MOB1B: variants seen among roughly 807,000 people sequenced by gnomAD.
MOB1B encodes the protein MOB kinase activator 1B.
MOB1B carries 19 observed loss-of-function variants against 24.4 expected under a neutral mutation model. The ratio of observed to expected loss-of-function variants is 0.78; its 90% CI spans 0.54 to 1.14. MOB1B has a LOEUF of 1.14. Ranked by LOEUF, MOB1B falls within the 50% of genes most tolerant of loss-of-function variation. The probability of loss-of-function intolerance (pLI) is 0.00; values close to 1 mark genes in which losing one functional copy is unlikely to be tolerated. For missense variants in MOB1B, 243 were observed against 259.6 expected (o/e 0.94, Z 0.44); for synonymous variants, 76 against 82.1 (o/e 0.93, Z 0.40).
chr4:70,916,756 A>G (rs1161686002), intron 1 of MOB1B, among the ~76,000 whole-genome samples: 1 of 152,006 alleles, frequency 6.6e-6, no homozygotes. Flanking sequence ...TTTAGTAGAG[A>G]CGGGGTTTCA....
chr4:70,983,649 ACACT>A lies in MOB1B; in HGVS notation c.*1595_*1598del, dbSNP rs1222458437. On this transcript the variant is annotated 3_prime_UTR_variant, in exon 6 of 6. Coordinates refer to ENST00000309395, the MANE Select transcript of MOB1B (RefSeq NM_173468.4). ...TGCTCTGAAATAGTATAGATTAAAA[ACACT>A]CAGTAGAAAAGAATCTAAAATTAAA... is the stretch of plus-strand genomic sequence containing the variant. 1.3e-5 allele frequency: 2 copies of A among 152,580 alleles called. No homozygotes were observed. The highest frequency in any genetic ancestry group is 2.9e-5 in the Non-Finnish European group (2 of 67,996). The allele number at this position is 152,580 out of a possible 1,614,324, so 9.5% of individuals were successfully genotyped here. A position where few individuals can be genotyped will look rare whatever the true frequency, so the allele number is the denominator to read the frequency against.
At chr4:70,921,123 C>G (rs1736419961) in intron 1 of MOB1B, among the ~76,000 whole-genome samples, 1 of 152,158 alleles carries the variant, frequency 6.6e-6, no homozygotes, top group Non-Finnish European at 1.5e-5. Flanking sequence ...CAAAAACAAA[C>G]AGGAAACCAA....
chr4:70,912,176 C>T lies in MOB1B; in HGVS notation c.14+9626C>T, dbSNP rs190150893. ...CCTCCCAAAGTGCTGGGATTACAGG[C>T]GTGAGCCACCGTGCCCAGCCTTAGG... On this transcript the variant is annotated intron_variant, in intron 1 of 5. Coordinates refer to ENST00000309395, the MANE Select transcript of MOB1B (RefSeq NM_173468.4). 4.7e-3 allele frequency among the ~76,000 whole-genome samples: 713 copies of T among 151,974 alleles called. 10 individuals are homozygous for T. The highest frequency in any genetic ancestry group is 0.016 in the African/African-American group (678 of 41,434).
At chr4:70,965,296 CAAAAAA>C (rs1175536577) in intron 2 of MOB1B, among the ~76,000 whole-genome samples, 3 of 36,220 alleles carry the variant, frequency 8.3e-5, no homozygotes, top group Non-Finnish European at 1.8e-4. Context: ...GACTTCATCT[CAAAAAA>C]AAAAAAAAAA....
chr4:70,986,236 A>G lies in MOB1B; in HGVS notation c.*4179A>G, dbSNP rs979145401. On this transcript the variant is annotated 3_prime_UTR_variant, in exon 6 of 6. Transcript: ENST00000309395. The stretch of plus-strand genomic sequence containing the variant: ...AAGTGGATCCAATATTTAAGATAGA[A>G]GTAGTTTAAGGAGACAACAGCCTTT... 1 of 152,190 alleles carries G rather than the reference A, an allele frequency of 6.6e-6. No individual in the cohort carries two copies. Among genetic ancestry groups the G allele is most frequent in the African/African-American group, 2.4e-5 (1 of 41,458 alleles). 9.4% of individuals were successfully genotyped at this position (152,190 alleles called of 1,614,324 possible). A position where few individuals can be genotyped will look rare whatever the true frequency, so the allele number is the denominator to read the frequency against.
chr4:70,964,578 A>AC (rs1234097819), intron 2 of MOB1B, among the ~76,000 whole-genome samples: 1 of 152,224 alleles, frequency 6.6e-6, no homozygotes, highest in East Asian at 1.9e-4. Flanking sequence ...AAGTTAATGA[A>AC]CTAAGCATCC....
At chr4:70,971,553 T>G (rs1436404494) in intron 3 of MOB1B, among the ~76,000 whole-genome samples, 2 of 151,992 alleles carry the variant, frequency 1.3e-5, no homozygotes, top group Non-Finnish European at 2.9e-5. Context: ...TCTCCTAGTT[T>G]TATCATCAAA....
chr4:70,952,957 T>A (rs7665171), intron 1 of MOB1B, among the ~76,000 whole-genome samples: 1 of 144,050 alleles, frequency 6.9e-6, no homozygotes, highest in African/African-American at 2.7e-5. Context: ...TTTTTTTTTT[T>A]TTTGAGTTGG....
chr4:70,942,521 T>C (rs1339498561), intron 1 of MOB1B, among the ~76,000 whole-genome samples: 3 of 152,168 alleles, frequency 2.0e-5, no homozygotes, highest in Non-Finnish European at 4.4e-5. Flanking sequence ...ATTTTATAAA[T>C]ATGATTAAAG....
In MOB1B at chr4:70,985,430, G is replaced by C. The variant is rs1739347221; in HGVS notation, c.*3373G>C. On this transcript the variant is annotated 3_prime_UTR_variant, in exon 6 of 6. Transcript: ENST00000309395. ...GTTCTAGAGCATACCATGAAAAGCA[G>C]TTTGTTATTATGCAGGAAAATCAGT... 6.6e-6 allele frequency: 1 copy of C among 152,120 alleles called. No individual in the cohort carries two copies. Among genetic ancestry groups the C allele is most frequent in the Non-Finnish European group, 1.5e-5 (1 of 68,016 alleles). 9.4% of individuals were successfully genotyped at this position (152,120 alleles called of 1,614,324 possible). A position where few individuals can be genotyped will look rare whatever the true frequency, so the allele number is the denominator to read the frequency against.
At position 70,976,562 on chromosome 4, in the gene MOB1B, G is replaced by A. The variant is rs550406983; in HGVS notation, c.409+1276G>A. The A allele has an allele frequency of 1.0e-3, 1,026 of 984,970 alleles. 1 individual carries two copies. Among genetic ancestry groups the A allele is most frequent in the Non-Finnish European group, 1.2e-3 (985 of 829,798 alleles). 61.0% of individuals were successfully genotyped at this position (984,970 alleles called of 1,614,324 possible). A position where few individuals can be genotyped will look rare whatever the true frequency, so the allele number is the denominator to read the frequency against. The stretch of plus-strand genomic sequence containing the variant: ...TTGCCTTCTCAAACTTCTGACAACT[G>A]ATTGTCTCAAAAAGCTAAGAATCTG... On this transcript the variant is annotated intron_variant, in intron 4 of 5. Transcript: ENST00000309395.
chr4:70,926,749 G>A (rs1055018078), intron 1 of MOB1B, among the ~76,000 whole-genome samples: 2 of 152,172 alleles, frequency 1.3e-5, no homozygotes, highest in Non-Finnish European at 2.9e-5. Flanking sequence ...GCTCACGCCT[G>A]TAATCCCAGC....
At chr4:70,952,548 C>CA in intron 1 of MOB1B, among the ~76,000 whole-genome samples, 1 of 147,150 alleles carries the variant, frequency 6.8e-6, no homozygotes, top group East Asian at 2.0e-4. Flanking sequence ...GAGGCTGAGG[C>CA]AGGAGAATGG....
chr4:70,904,485 T>G (rs1296843847), intron 1 of MOB1B, among the ~76,000 whole-genome samples: 1 of 151,770 alleles, frequency 6.6e-6, no homozygotes, highest in East Asian at 1.9e-4. Context: ...GCAAGGCCAG[T>G]CGCGGTGGCT....
chr4:70,912,346 C>A (rs1337051369), intron 1 of MOB1B, among the ~76,000 whole-genome samples: 1 of 150,682 alleles, frequency 6.6e-6, no homozygotes, highest in Non-Finnish European at 1.5e-5. Flanking sequence ...GTGGTGCGAT[C>A]TCTGCTCACT....
At chr4:70,937,082 T>C (rs1737114965) in intron 1 of MOB1B, among the ~76,000 whole-genome samples, 1 of 152,034 alleles carries the variant, frequency 6.6e-6, no homozygotes. Flanking sequence ...CACGCCTCTC[T>C]AATTTTTGTA....
intron 1 of MOB1B, among the ~76,000 whole-genome samples, chr4:70,933,011 T>C (rs894057287): frequency 1.3e-5 from 2 of 152,132 alleles, no homozygotes; most frequent in African/African-American, 4.8e-5. Context: ...GACTGGGTAA[T>C]TTATAAAGAA....
intron 4 of MOB1B, chr4:70,976,250 AT>A (rs1332060009): frequency 4.1e-6 from 4 of 984,202 alleles, no homozygotes; most frequent in African/African-American, 1.7e-5. Flanking sequence ...AACAGAATGG[AT>A]ATTGAGTAGA....
At chr4:70,903,880 C>T (rs1030116166) in intron 1 of MOB1B, among the ~76,000 whole-genome samples, 2 of 151,560 alleles carry the variant, frequency 1.3e-5, no homozygotes, top group South Asian at 2.1e-4. Context: ...TTAGGCTCCT[C>T]CTAGAAGTTG....
Sources: allele counts gnomAD v4.1 joint callset (sites outside exome capture counted in the v4.1 genomes callset), GRCh38; gene constraint gnomAD v4.1.1; transcripts MANE v1.5; gene names NCBI Gene and HGNC (gene_info 2026-07-23, HGNC 2026-07-21).